The following EIF4G3 variants were observed in gnomAD, a reference collection of about 807,000 sequenced individuals.
EIF4G3 encodes eIF-4-gamma 3.
A neutral mutation model predicts 186.4 loss-of-function variants in EIF4G3; 34 were observed. That is an observed-to-expected ratio of 0.18 (90% CI 0.14 to 0.24). EIF4G3 has a LOEUF of 0.24. Ranked by LOEUF, EIF4G3 falls within the 10% of genes least tolerant of loss-of-function variation. The pLI is 1.00. For synonymous variants in EIF4G3, 673 were observed against 679.5 expected (o/e 0.99, Z 0.15); for missense variants, 1,536 against 1,948.5 (o/e 0.79, Z 3.99).
chr1:21,126,231 TAAA>T (rs748125235), intron 2 of EIF4G3, among the ~76,000 whole-genome samples: 2 of 118,384 alleles, frequency 1.7e-5, no homozygotes, highest in East Asian at 2.3e-4. Context: ...AAATTAAAAT[TAAA>T]AAAAAAAAAA....
At chr1:21,153,401 A>T (rs1387539559) in intron 2 of EIF4G3, among the ~76,000 whole-genome samples, 7 of 152,218 alleles carry the variant, frequency 4.6e-5, no homozygotes, top group Non-Finnish European at 1.0e-4. Flanking sequence ...GAAGGAGGTG[A>T]GTTAAAAGAT....
chr1:21,134,179 C>A (rs912032748), intron 2 of EIF4G3, among the ~76,000 whole-genome samples: 1 of 152,168 alleles, frequency 6.6e-6, no homozygotes, highest in African/African-American at 2.4e-5. Flanking sequence ...TCAAACCTCA[C>A]ATTCCTGTAT....
At chr1:21,061,441 C>A (rs1321049885) in intron 3 of EIF4G3, among the ~76,000 whole-genome samples, 1 of 152,096 alleles carries the variant, frequency 6.6e-6, no homozygotes, top group Admixed American at 6.5e-5. Flanking sequence ...AGATGCCTAT[C>A]AGAGATTCAA....
At chr1:21,026,340 T>A (rs966004733) in intron 4 of EIF4G3, among the ~76,000 whole-genome samples, 1 of 152,042 alleles carries the variant, frequency 6.6e-6, no homozygotes, top group Non-Finnish European at 1.5e-5. Context: ...TAGATATACA[T>A]ATGCAAAAGA....
intron 19 of EIF4G3, among the ~76,000 whole-genome samples, chr1:20,883,258 G>GT (rs1217902281): frequency 6.6e-6 from 1 of 152,088 alleles, no homozygotes; most frequent in Non-Finnish European, 1.5e-5. Context: ...GTTGATTAGA[G>GT]ACCAGAAAGG....
At chr1:20,971,673 C>G (rs1445049758) in intron 11 of EIF4G3, among the ~76,000 whole-genome samples, 10 of 152,192 alleles carry the variant, frequency 6.6e-5, no homozygotes, top group Non-Finnish European at 5.9e-5. Context: ...ACAGTTCACA[C>G]TGTTGCCCAG....
chr1:20,907,219 A>C (rs1274848717), intron 14 of EIF4G3, among the ~76,000 whole-genome samples: 1 of 152,174 alleles, frequency 6.6e-6, no homozygotes, highest in Admixed American at 6.5e-5. Flanking sequence ...CTTGTATTAA[A>C]GCATGACAGG....
intron 20 of EIF4G3, among the ~76,000 whole-genome samples, chr1:20,872,926 G>A (rs2079634205): frequency 1.3e-5 from 2 of 151,838 alleles, no homozygotes; most frequent in East Asian, 1.9e-4. Flanking sequence ...TAGTAGAGAT[G>A]GGGTTTCACC....
chr1:20,939,732 G>C (rs1003079300), intron 14 of EIF4G3, among the ~76,000 whole-genome samples: 4 of 150,606 alleles, frequency 2.7e-5, no homozygotes, highest in Non-Finnish European at 5.9e-5. Flanking sequence ...TGTAACTATC[G>C]TATCACTACA....
intron 2 of EIF4G3, among the ~76,000 whole-genome samples, chr1:21,112,639 A>G (rs1394884885): frequency 1.3e-5 from 2 of 152,196 alleles, no homozygotes. Flanking sequence ...TCTACAGGCA[A>G]TATTTTACTT....
intron 12 of EIF4G3, among the ~76,000 whole-genome samples, chr1:20,956,144 T>C (rs947870513): frequency 3.3e-5 from 5 of 152,196 alleles, no homozygotes; most frequent in South Asian, 2.1e-4. Context: ...ATCAACCACA[T>C]AGATCAGTTC....
chr1:20,928,636 C>T (rs887428637), intron 14 of EIF4G3, among the ~76,000 whole-genome samples: 3 of 152,134 alleles, frequency 2.0e-5, no homozygotes, highest in African/African-American at 7.2e-5. Flanking sequence ...CTCCTGACCT[C>T]GTGATCCGCC....
At chr1:20,808,270 G>GT (rs1326780136) in intron 36 of EIF4G3, among the ~76,000 whole-genome samples, 1 of 152,190 alleles carries the variant, frequency 6.6e-6, no homozygotes, top group Middle Eastern at 3.4e-3. Flanking sequence ...AATACGAGTA[G>GT]TTTTTTACTT....
chr1:21,030,907 C>T (rs1024457320), intron 4 of EIF4G3, among the ~76,000 whole-genome samples: 7 of 152,066 alleles, frequency 4.6e-5, no homozygotes, highest in African/African-American at 1.7e-4. Context: ...AAGGATCAGC[C>T]GGGTGTGGTG....
intron 4 of EIF4G3, among the ~76,000 whole-genome samples, chr1:21,035,670 A>AG (rs1420756638): frequency 1.3e-5 from 2 of 152,238 alleles, no homozygotes; most frequent in Non-Finnish European, 2.9e-5. Flanking sequence ...AAGATAGGGC[A>AG]GGGGGGCAGT....
intron 18 of EIF4G3, 109 bp downstream of exon 18, chr1:20,893,408 C>T (rs2086806588): frequency 1.7e-6 from 2 of 1,198,888 alleles, no homozygotes; most frequent in Non-Finnish European, 2.3e-6. Flanking sequence ...TCTTCTTCTT[C>T]TTCTTGACTA....
chr1:20,884,374 T>G (rs2083415755), intron 19 of EIF4G3, among the ~76,000 whole-genome samples: 1 of 152,136 alleles, frequency 6.6e-6, no homozygotes, highest in Non-Finnish European at 1.5e-5. Flanking sequence ...AGCTTCAGTT[T>G]CCTCATGAAA....
chr1:21,060,749 G>T (rs2094852189), intron 3 of EIF4G3, among the ~76,000 whole-genome samples: 1 of 135,104 alleles, frequency 7.4e-6, no homozygotes, highest in Admixed American at 8.3e-5. Flanking sequence ...CTGCATCACA[G>T]CCTGGTCAAC....
At chr1:21,019,497 A>G (rs1212760060) in intron 4 of EIF4G3, among the ~76,000 whole-genome samples, 2 of 152,206 alleles carry the variant, frequency 1.3e-5, no homozygotes, top group Non-Finnish European at 2.9e-5. Flanking sequence ...AGTCTGCACA[A>G]AACATGATGC....
Sources: gnomAD v4.1 joint callset for allele counts (sites outside exome capture counted in the v4.1 genomes callset) on GRCh38, gnomAD v4.1.1 for gene constraint, MANE v1.5 for transcripts, NCBI Gene and HGNC (gene_info 2026-07-23, HGNC 2026-07-21) for gene names.